PCDHA6: variants seen among roughly 807,000 people sequenced by gnomAD.
PCDHA6 encodes the protein protocadherin alpha 6.
Under a neutral mutation model 60.3 loss-of-function variants are expected in PCDHA6, and 55 were observed. The ratio of observed to expected loss-of-function variants is 0.91; its 90% confidence interval spans 0.73 to 1.14. The LOEUF (loss-of-function observed/expected upper bound fraction) is 1.14. Ranked by LOEUF, PCDHA6 falls within the 50% of genes most tolerant of loss-of-function variation. The pLI is 0.00. For missense variants in PCDHA6, 1,327 were observed against 1,256.5 expected (o/e 1.06, Z -0.85); for synonymous variants, 652 against 557.9 (o/e 1.17, Z -2.38).
rs2094433165 is a variant in PCDHA6, at chr5:140,949,923, G to T, written c.2395-29026G>T. Among the ~76,000 whole-genome samples the T allele has an allele frequency of 2.7e-5, 4 of 150,516 alleles. No homozygotes were observed. In the South Asian group the frequency reaches 8.3e-4, roughly 31 times the overall value. On this transcript the variant is annotated intron_variant, in intron 1 of 3. Coordinates refer to ENST00000529310, the MANE Select transcript of PCDHA6 (RefSeq NM_018909.4). Reference sequence around the variant, plus strand: ...TAATTTTTAGATATAACTATTTTTAGATTTTTTTTAATTTGCATTTTTTAG... The same window carrying T: ...TAATTTTTAGATATAACTATTTTTATATTTTTTTTAATTTGCATTTTTTAG...
rs114918834 is a variant in PCDHA6, at chr5:140,920,894, T to C, written c.2395-58055T>C. 7.8e-3 allele frequency among the ~76,000 whole-genome samples: 1,179 copies of C among 151,482 alleles called. 6 individuals carry two copies. The highest frequency in any genetic ancestry group is 0.019 in the African/African-American group (771 of 41,278). Reference sequence around the variant, plus strand: ...GTGGCCCTTAGAACTTAAAGTCATATTTTGGTTCTCAAATCAGTTCCAAGA... The same window carrying C: ...GTGGCCCTTAGAACTTAAAGTCATACTTTGGTTCTCAAATCAGTTCCAAGA... On this transcript the variant is annotated intron_variant, in intron 1 of 3. Coordinates refer to ENST00000529310, the MANE Select transcript of PCDHA6 (RefSeq NM_018909.4).
intron 3 of PCDHA6, among the ~76,000 whole-genome samples, chr5:140,988,517 T>C (rs184897922): frequency 3.0e-3 from 461 of 152,278 alleles, no homozygotes; most frequent in Middle Eastern, 0.014. Context: ...CTTACTTAAG[T>C]CTCTGCTGGC....
At chr5:140,839,890 G>A (rs1168165739) in intron 1 of PCDHA6, among the ~76,000 whole-genome samples, 3 of 151,956 alleles carry the variant, frequency 2.0e-5, no homozygotes, top group African/African-American at 7.3e-5. Flanking sequence ...AATTTTGACA[G>A]AAAAAGATGA....
intron 1 of PCDHA6, chr5:140,850,998 C>T (rs1333674670): frequency 6.9e-7 from 1 of 1,440,098 alleles, no homozygotes; most frequent in Non-Finnish European, 9.2e-7. Context: ...TCTAGAAATC[C>T]AGCAGATTTT....
At chr5:140,955,522 C>A (rs1467341493) in intron 1 of PCDHA6, among the ~76,000 whole-genome samples, 5 of 152,180 alleles carry the variant, frequency 3.3e-5, no homozygotes, top group African/African-American at 1.2e-4. Context: ...GCTTTCCCTT[C>A]CACCATGATT....
At chr5:141,007,507 G>A (rs2098333216) in intron 3 of PCDHA6, among the ~76,000 whole-genome samples, 1 of 151,980 alleles carries the variant, frequency 6.6e-6, no homozygotes, top group Admixed American at 6.6e-5. Flanking sequence ...GGCAGAGACT[G>A]CAGTGAGCTG....
intron 3 of PCDHA6, among the ~76,000 whole-genome samples, chr5:140,987,146 G>A (rs942853645): frequency 1.3e-5 from 2 of 151,812 alleles, no homozygotes; most frequent in Non-Finnish European, 2.9e-5. Flanking sequence ...CTCGGGAGGT[G>A]GAGGTTGCAG....
intron 1 of PCDHA6, chr5:140,836,080 T>G: frequency 6.2e-7 from 1 of 1,613,702 alleles, no homozygotes; most frequent in South Asian, 1.1e-5. Flanking sequence ...CCGGCACTGC[T>G]GGCGCCTCGG....
At chr5:140,895,835 A>G (rs782780692) in intron 1 of PCDHA6, among the ~76,000 whole-genome samples, 3 of 152,096 alleles carry the variant, frequency 2.0e-5, no homozygotes, top group Non-Finnish European at 4.4e-5. Context: ...TTTTCAGACA[A>G]AGTCTCACTC....
chr5:140,863,319 C>A, intron 1 of PCDHA6: 1 of 1,445,714 alleles, frequency 6.9e-7, no homozygotes, highest in Non-Finnish European at 9.4e-7. Context: ...TGGTGTCCAG[C>A]CTGTTAGTGC....
chr5:140,843,511 C>G (rs1554140155), intron 1 of PCDHA6: 1 of 1,595,670 alleles, frequency 6.3e-7, no homozygotes, highest in Non-Finnish European at 8.6e-7. Context: ...CCACTGAGGG[C>G]GGGTGCCGGG....
chr5:140,873,172 G>A (rs545473160), intron 1 of PCDHA6, among the ~76,000 whole-genome samples: 1 of 152,202 alleles, frequency 6.6e-6, no homozygotes, highest in African/African-American at 2.4e-5. Flanking sequence ...GAGAGCTTTT[G>A]TATCATAATA....
intron 1 of PCDHA6, chr5:140,928,238 A>T (rs147430561): frequency 1.9e-6 from 3 of 1,614,188 alleles, no homozygotes; most frequent in Non-Finnish European, 2.5e-6. Context: ...CCTCAACCCC[A>T]GCAGGAACTT....
chr5:141,009,132 G>A (rs2098400947), intron 3 of PCDHA6, among the ~76,000 whole-genome samples: 1 of 152,204 alleles, frequency 6.6e-6, no homozygotes, highest in African/African-American at 2.4e-5. Flanking sequence ...GTATCCTGGT[G>A]AAAAAACCTG....
At chr5:140,925,923 C>CT (rs111894943) in intron 1 of PCDHA6, among the ~76,000 whole-genome samples, 7,061 of 152,174 alleles carry the variant, frequency 0.046, 290 homozygotes, top group African/African-American at 0.11. Context: ...GCAAAGCACT[C>CT]CCAAGTAGAG....
chr5:140,998,240 A>G (rs2097802500), intron 3 of PCDHA6, among the ~76,000 whole-genome samples: 1 of 152,188 alleles, frequency 6.6e-6, no homozygotes, highest in Non-Finnish European at 1.5e-5. Context: ...GTGCATTATT[A>G]TACTCATTTT....
chr5:140,984,945 C>CT (rs113297104), intron 3 of PCDHA6, among the ~76,000 whole-genome samples: 99 of 149,274 alleles, frequency 6.6e-4, no homozygotes, highest in Non-Finnish European at 1.1e-3. Context: ...AATGTCTAAT[C>CT]TTTTTTTTTT....
intron 1 of PCDHA6, among the ~76,000 whole-genome samples, chr5:140,934,631 G>A (rs2089960013): frequency 6.6e-6 from 1 of 151,984 alleles, no homozygotes; most frequent in African/African-American, 2.4e-5. Flanking sequence ...GTTCACACAG[G>A]AAAGGCAGGA....
intron 1 of PCDHA6, chr5:140,862,603 G>A (rs2047445390): frequency 3.9e-6 from 2 of 515,596 alleles, no homozygotes; most frequent in Non-Finnish European, 7.9e-6. Context: ...CATGGTGTTC[G>A]TGAAAGGTAA....
Sources: allele counts gnomAD v4.1 joint callset (sites outside exome capture counted in the v4.1 genomes callset), GRCh38; gene constraint gnomAD v4.1.1; transcripts MANE v1.5; gene names NCBI Gene and HGNC (gene_info 2026-07-23, HGNC 2026-07-21).